ITGBL1: variants seen among roughly 807,000 people sequenced by gnomAD.
The protein encoded by ITGBL1 is integrin subunit beta like 1.
ITGBL1 carries 51 observed loss-of-function variants against 68.5 expected under a neutral mutation model. The ratio of observed to expected loss-of-function variants is 0.74; its 90% CI spans 0.59 to 0.94. The LOEUF is 0.94. ITGBL1 is among the 40% of genes least tolerant of loss of function. ITGBL1 has a pLI of 0.00. For synonymous variants in ITGBL1, 209 were observed against 227.3 expected (o/e 0.92, Z 0.72); for missense variants, 649 against 647.4 (o/e 1.00, Z -0.03).
Position 101,527,673 on chromosome 13 carries a change from C to T in ITGBL1, c.317-40026C>T, listed in dbSNP as rs114827661. Among the ~76,000 whole-genome samples the T allele has an allele frequency of 5.4e-3, 819 of 152,092 alleles. 9 individuals carry two copies. The highest frequency in any genetic ancestry group is 0.019 in the African/African-American group (778 of 41,552). Reference sequence around the variant, plus strand: ...TCTGGTTACTCTGTATCTGTCAAGACTTGTTTTTTTCAGAGTTTTAATTTA... The same window carrying T: ...TCTGGTTACTCTGTATCTGTCAAGATTTGTTTTTTTCAGAGTTTTAATTTA... On this transcript the variant is annotated intron_variant, in intron 2 of 10. Transcript: ENST00000376180.
At position 101,598,146 on chromosome 13, in the gene ITGBL1, T is replaced by G; in HGVS notation, c.869-7T>G. 6.3e-7 allele frequency: 1 copy of G among 1,591,386 alleles called. No homozygotes were observed. The highest frequency in any genetic ancestry group is 8.5e-7 in the Non-Finnish European group (1 of 1,172,942). ...CATTTTTATTTTTTGCCACTCTCAC[T>G]GTGAAGGTCATGGACAGTGTAATTG... is the stretch of plus-strand genomic sequence containing the variant. On this transcript the variant is annotated splice_polypyrimidine_tract_variant and splice_region_variant and intron_variant, in intron 6 of 10. Transcript: ENST00000376180.
In ITGBL1 at chr13:101,605,633, CATGT is replaced by C. The variant is rs1303883508; in HGVS notation, c.1015+7339_1015+7342del. 1.8e-4 allele frequency among the ~76,000 whole-genome samples: 25 copies of C among 142,206 alleles called. No individual in the cohort carries two copies. The South Asian group carries it at 5.8e-3, about 33-fold the overall frequency. 93.3% of individuals were successfully genotyped at this position (142,206 alleles called of 152,430 possible). ...GCGTATATATATACACGTATGTAGACATGTATGTGTGTATGCGTATGCACGTATG... is the reference window on the plus strand; with the variant it reads ...GCGTATATATATACACGTATGTAGACATGTGTGTATGCGTATGCACGTATG... On this transcript the variant is annotated intron_variant, in intron 7 of 10. Coordinates refer to ENST00000376180, the MANE Select transcript of ITGBL1 (RefSeq NM_004791.3).
chr13:101,661,312 C>T (rs566410900), intron 7 of ITGBL1, among the ~76,000 whole-genome samples: 2 of 152,194 alleles, frequency 1.3e-5, no homozygotes, highest in African/African-American at 2.4e-5. Flanking sequence ...GTTCAGGACA[C>T]GTTTTTCAAT....
At chr13:101,649,722 A>T (rs888597448) in intron 7 of ITGBL1, among the ~76,000 whole-genome samples, 4 of 152,140 alleles carry the variant, frequency 2.6e-5, no homozygotes, top group Non-Finnish European at 5.9e-5. Flanking sequence ...CATCTTGTAC[A>T]CTTTGATTTA....
chr13:101,707,042 C>T (rs1369890482), intron 9 of ITGBL1, 140 bp downstream of exon 9: 10 of 782,014 alleles, frequency 1.3e-5, no homozygotes, highest in Non-Finnish European at 2.0e-5. Flanking sequence ...CAACTTGAAG[C>T]TTGAAGATTA....
intron 2 of ITGBL1, among the ~76,000 whole-genome samples, chr13:101,474,421 AT>A (rs1170109794): frequency 1.3e-5 from 2 of 152,118 alleles, no homozygotes; most frequent in Non-Finnish European, 2.9e-5. Context: ...CACTAAGTAG[AT>A]TATTAAGTTT....
chr13:101,712,941 AATT>A (rs1219153007), intron 9 of ITGBL1: 2 of 152,190 alleles, frequency 1.3e-5, no homozygotes, highest in East Asian at 1.9e-4. Flanking sequence ...GCTGTCAGTC[AATT>A]ATTAAAACTG....
At chr13:101,531,634 C>T (rs1447321817) in intron 2 of ITGBL1, among the ~76,000 whole-genome samples, 1 of 150,828 alleles carries the variant, frequency 6.6e-6, no homozygotes, top group African/African-American at 2.4e-5. Context: ...TACTTTATTT[C>T]TTAAGTAGTT....
intron 3 of ITGBL1, among the ~76,000 whole-genome samples, chr13:101,568,607 G>A (rs768022502): frequency 5.3e-5 from 8 of 152,042 alleles, no homozygotes; most frequent in Non-Finnish European, 1.2e-4. Context: ...TTGGTGTGTG[G>A]CCTTGACGTT....
intron 7 of ITGBL1, among the ~76,000 whole-genome samples, chr13:101,675,839 C>T (rs2033488229): frequency 1.3e-5 from 2 of 152,118 alleles, no homozygotes; most frequent in Admixed American, 6.5e-5. Flanking sequence ...ATCTCTTATG[C>T]TCCTTTCCCC....
At chr13:101,526,387 T>C (rs375516093) in intron 2 of ITGBL1, among the ~76,000 whole-genome samples, 1 of 152,042 alleles carries the variant, frequency 6.6e-6, no homozygotes. Flanking sequence ...CTCCCACTTA[T>C]GTTTATTGCA....
chr13:101,648,995 A>G (rs1405726423), intron 7 of ITGBL1, among the ~76,000 whole-genome samples: 1 of 152,194 alleles, frequency 6.6e-6, no homozygotes, highest in Non-Finnish European at 1.5e-5. Flanking sequence ...CATACTAGGA[A>G]TATGAGACAT....
chr13:101,630,078 TC>T (rs1304479924), intron 7 of ITGBL1, among the ~76,000 whole-genome samples: 4 of 152,176 alleles, frequency 2.6e-5, no homozygotes, highest in Non-Finnish European at 5.9e-5. Flanking sequence ...CACATTGGCC[TC>T]CCAAAGTGCT....
intron 2 of ITGBL1, among the ~76,000 whole-genome samples, chr13:101,530,736 A>G (rs543340264): frequency 6.6e-6 from 1 of 152,330 alleles, no homozygotes; most frequent in East Asian, 1.9e-4. Context: ...CACACATTAA[A>G]TCTTCAATTT....
At chr13:101,530,173 G>C (rs185891034) in intron 2 of ITGBL1, among the ~76,000 whole-genome samples, 1 of 152,128 alleles carries the variant, frequency 6.6e-6, no homozygotes, top group African/African-American at 2.4e-5. Flanking sequence ...ACTTTAGTAC[G>C]AAGACTAGAA....
At chr13:101,473,945 C>A (rs1486585811) in intron 2 of ITGBL1, among the ~76,000 whole-genome samples, 2 of 152,140 alleles carry the variant, frequency 1.3e-5, no homozygotes, top group African/African-American at 2.4e-5. Context: ...GGTACCCAGG[C>A]AGTACTTGCT....
rs80236836 is a variant in ITGBL1, at chr13:101,458,917, G to A, written c.316+4817G>A. On this transcript the variant is annotated intron_variant, in intron 2 of 10. Transcript: ENST00000376180. ...GAGAACCAATGGGGAGGAACTCCAC[G>A]GGAGAGGCAATAAGAACAGAATTAT... 9.6e-3 allele frequency among the ~76,000 whole-genome samples: 1,461 copies of A among 152,248 alleles called. 23 individuals are homozygous for A. The highest frequency in any genetic ancestry group is 0.033 in the African/African-American group (1,383 of 41,542).
chr13:101,624,470 A>G (rs532157021), intron 7 of ITGBL1, among the ~76,000 whole-genome samples: 2 of 152,318 alleles, frequency 1.3e-5, no homozygotes, highest in Admixed American at 6.5e-5. Flanking sequence ...GTAATTGTCC[A>G]TGGAAGGGAG....
chr13:101,540,716 C>T (rs1411221401), intron 2 of ITGBL1, among the ~76,000 whole-genome samples: 1 of 152,088 alleles, frequency 6.6e-6, no homozygotes, highest in African/African-American at 2.4e-5. Context: ...CGTTTGTATG[C>T]TCTTTTATTT....
Sources: allele counts gnomAD v4.1 joint callset (sites outside exome capture counted in the v4.1 genomes callset), GRCh38; gene constraint gnomAD v4.1.1; transcripts MANE v1.5; gene names NCBI Gene and HGNC (gene_info 2026-07-23, HGNC 2026-07-21).